The following OAS2 variants were observed in gnomAD, a reference collection of about 807,000 sequenced individuals.
The protein encoded by OAS2 is 2'-5'-oligoadenylate synthetase 2.
OAS2 carries 67 observed loss-of-function variants against 71.3 expected under a neutral mutation model. The observed-to-expected ratio is 0.94, with a 90% CI of 0.77 to 1.15. OAS2 has a LOEUF of 1.15. Among genes scored for constraint, OAS2 ranks in the 50% most tolerant of loss-of-function variants. The pLI, the probability that OAS2 is intolerant of heterozygous loss-of-function variation, is 0.00. For synonymous variants in OAS2, 327 were observed against 321.8 expected (o/e 1.02, Z -0.17); for missense variants, 789 against 822.5 (o/e 0.96, Z 0.50).
At chr12:112,985,079 T>C (rs1231748967) in intron 1 of OAS2, among the ~76,000 whole-genome samples, 2 of 152,232 alleles carry the variant, frequency 1.3e-5, no homozygotes, top group Non-Finnish European at 2.9e-5. Context: ...ATTTTCAGAA[T>C]TATATGTTTG....
At position 112,997,514 on chromosome 12, in the gene OAS2, C is replaced by A. The variant is rs370500272; in HGVS notation, c.628-6C>A. ...AATGAGCTGCTACCCTTTCCTTATC[C>A]CACAGTGCCAGAAAAAAATCAAGGA... On this transcript the variant is annotated splice_region_variant and splice_polypyrimidine_tract_variant and intron_variant, in intron 3 of 9. Coordinates refer to ENST00000392583, the MANE Select transcript of OAS2 (RefSeq NM_002535.3). 7.8e-5 allele frequency: 125 copies of A among 1,612,132 alleles called. No individual in the cohort carries two copies. In the Middle Eastern group the frequency reaches 9.9e-4, roughly 13 times the overall value.
chr12:113,000,758 G>A (rs188216738), intron 5 of OAS2, among the ~76,000 whole-genome samples: 23 of 151,974 alleles, frequency 1.5e-4, no homozygotes, highest in Admixed American at 5.9e-4. Context: ...CTCATACCAC[G>A]CACACATATG....
chr12:113,007,024 C>T (rs1203869079), intron 8 of OAS2, among the ~76,000 whole-genome samples: 2 of 152,220 alleles, frequency 1.3e-5, no homozygotes, highest in African/African-American at 4.8e-5. Flanking sequence ...GGAGCTTGAA[C>T]AACTGGTCAG....
chr12:112,994,809 GC>G (rs1279455933), intron 2 of OAS2, among the ~76,000 whole-genome samples: 1 of 152,108 alleles, frequency 6.6e-6, no homozygotes, highest in Non-Finnish European at 1.5e-5. Context: ...GACCTCCAGG[GC>G]CCTGCTGCCA....
chr12:112,994,219 T>G (rs2044216363), intron 2 of OAS2, among the ~76,000 whole-genome samples: 1 of 152,108 alleles, frequency 6.6e-6, no homozygotes, highest in Non-Finnish European at 1.5e-5. Flanking sequence ...ATTTCTTCCC[T>G]GCTATATAGA....
rs2044378930 is a variant in OAS2, at chr12:113,011,324, C to T, written c.*2069C>T. ...CTTTTCACCCATGCCTGGGTTTATG[C>T]TAACAAGGTTACCCATGGTGGGCCC... On this transcript the variant is annotated 3_prime_UTR_variant, in exon 10 of 10. Coordinates refer to ENST00000392583, the MANE Select transcript of OAS2 (RefSeq NM_002535.3). The T allele has an allele frequency of 6.6e-6, 1 of 152,180 alleles. No homozygotes were observed. The highest frequency in any genetic ancestry group is 2.4e-5 in the African/African-American group (1 of 41,434). The allele number at this position is 152,180 out of a possible 1,614,324, so 9.4% of individuals were successfully genotyped here.
chr12:113,006,898 T>G (rs1410674433), intron 8 of OAS2, among the ~76,000 whole-genome samples: 1 of 152,188 alleles, frequency 6.6e-6, no homozygotes, highest in African/African-American at 2.4e-5. Flanking sequence ...GGGATTCACA[T>G]GCCCACACAT....
intron 2 of OAS2, chr12:112,988,314 A>G: frequency 1.3e-6 from 1 of 767,084 alleles, no homozygotes; most frequent in Non-Finnish European, 1.6e-6. Flanking sequence ...CCTGAGCCAG[A>G]GTAGGTTCAG....
intron 1 of OAS2, among the ~76,000 whole-genome samples, chr12:112,979,450 G>A (rs2136372884): frequency 6.6e-6 from 1 of 152,244 alleles, no homozygotes; most frequent in South Asian, 2.1e-4. Context: ...GCACACATCC[G>A]CTAGTGCCTC....
chr12:112,986,010 C>G (rs751117035), intron 1 of OAS2, among the ~76,000 whole-genome samples: 1 of 152,202 alleles, frequency 6.6e-6, no homozygotes, highest in Non-Finnish European at 1.5e-5. Flanking sequence ...AAGATGTTTT[C>G]CTGTAGATGT....
rs1264197159 is a variant in OAS2 at position 113,005,074 on chromosome 12, A to G, written c.1320A>G (p.Lys440=). 1 of 1,614,192 alleles carries G rather than the reference A, an allele frequency of 6.2e-7. No individual in the cohort carries two copies. The highest frequency in any genetic ancestry group is 8.5e-7 in the Non-Finnish European group (1 of 1,180,032). The stretch of plus-strand genomic sequence containing the variant: ...TCAAGGAAATCCATGAACAGCTGAA[A>G]GCCTTTTGGAGGGAGAAGGAGGAGG... ...KIVKEIHEQL[K]AFWREKEEEL... is the part of the protein sequence containing the mutation. The change falls in exon 7 of 10, where the codon AAA becomes AAG. Residue 440 remains lysine (K), a synonymous_variant. Transcript: ENST00000392583.
intron 1 of OAS2, among the ~76,000 whole-genome samples, chr12:112,986,253 G>A (rs1350939697): frequency 6.6e-6 from 1 of 152,168 alleles, no homozygotes; most frequent in South Asian, 2.1e-4. Flanking sequence ...TGGTCCTCAG[G>A]CCCCCAGGCA....
In OAS2 at chr12:113,001,886, A is replaced by AG. The variant is rs2044293591; in HGVS notation, c.1009-1046_1009-1045insG. ...TACAAAAAAAAAAAAAAAAAAAAAA[A>AG]AAGCTAGGCGTGGTGGCACAAACCT... On this transcript the variant is annotated intron_variant, in intron 5 of 9. Coordinates refer to ENST00000392583, the MANE Select transcript of OAS2 (RefSeq NM_002535.3). Among the ~76,000 whole-genome samples the AG allele has an allele frequency of 4.0e-5, 6 of 148,536 alleles. No individual in the cohort carries two copies. In the South Asian group the frequency reaches 1.1e-3, roughly 27 times the overall value.
chr12:112,997,525 G>GA lies in OAS2; in HGVS notation c.640dup (p.Ile214AsnfsTer30), dbSNP rs1327817323. ...ACCCTTTCCTTATCCCACAGTGCCA[G>GA]AAAAAAATCAAGGATTTACCCTCGC... On this transcript the variant is annotated frameshift_variant, in exon 4 of 10. Coordinates refer to ENST00000392583, the MANE Select transcript of OAS2 (RefSeq NM_002535.3). LOFTEE classifies it high-confidence loss of function. The GA allele has an allele frequency of 4.3e-6, 7 of 1,613,336 alleles. No homozygotes were observed. Among genetic ancestry groups the GA allele is most frequent in the East Asian group, 2.2e-5 (1 of 44,854 alleles).
intron 3 of OAS2, among the ~76,000 whole-genome samples, chr12:112,997,194 G>T (rs1018171740): frequency 6.6e-6 from 1 of 151,908 alleles, no homozygotes; most frequent in African/African-American, 2.4e-5. Context: ...CTGAACTACT[G>T]TATTTTTGCT....
At chr12:112,985,303 T>C (rs113727020) in intron 1 of OAS2, among the ~76,000 whole-genome samples, 3,750 of 152,322 alleles carry the variant, frequency 0.025, 143 homozygotes, top group African/African-American at 0.085. Flanking sequence ...GGTTACTTTA[T>C]GATTACCAAT....
At chr12:112,990,370 T>C (rs1440099005) in intron 2 of OAS2, among the ~76,000 whole-genome samples, 1 of 152,246 alleles carries the variant, frequency 6.6e-6, no homozygotes, top group East Asian at 1.9e-4. Flanking sequence ...AAGCAGGGTC[T>C]TCCAGGTCAT....
At chr12:112,996,974 C>T (rs557146377) in intron 3 of OAS2, among the ~76,000 whole-genome samples, 38 of 152,320 alleles carry the variant, frequency 2.5e-4, no homozygotes, top group Non-Finnish European at 5.0e-4. Context: ...TTCCCCTCAT[C>T]TGAGGTCTAC....
Position 113,002,990 on chromosome 12 carries a change from T to G in OAS2, c.1067T>G (p.Leu356Arg). Reference sequence around the variant, plus strand: ...CTGGATAAGTTCATCAAGGAGTTTCTCCAGCCCAACAAATGCTTCCTAGAG... The same window carrying G: ...CTGGATAAGTTCATCAAGGAGTTTCGCCAGCCCAACAAATGCTTCCTAGAG... ...HLLDKFIKEFLQPNKCFLEQI... is the reference protein window; with the variant it reads ...HLLDKFIKEFRQPNKCFLEQI... The change falls in exon 6 of 10, where the codon CTC becomes CGC. Residue 356 changes from leucine (L) to arginine (R), a missense_variant. Coordinates refer to ENST00000392583, the MANE Select transcript of OAS2 (RefSeq NM_002535.3). 1 of 1,614,162 alleles carries G rather than the reference T, an allele frequency of 6.2e-7. No homozygotes were observed. The highest frequency in any genetic ancestry group is 1.1e-5 in the South Asian group (1 of 91,082).
Sources: allele counts gnomAD v4.1 joint callset (sites outside exome capture counted in the v4.1 genomes callset), GRCh38; gene constraint gnomAD v4.1.1; transcripts MANE v1.5; gene names NCBI Gene and HGNC (gene_info 2026-07-23, HGNC 2026-07-21).